LY6S: variants seen among roughly 807,000 people sequenced by gnomAD.
LY6S encodes the protein lymphocyte antigen 6S.
the LY6S span, chr8:143,044,027 A>G: frequency 2.4e-6 from 1 of 421,782 alleles, no homozygotes; most frequent in Admixed American, 2.5e-5. Context: ...CTGGGGACAG[A>G]TGCAGCTCCG....
chr8:143,043,355 TG>T, the LY6S span: 9 of 862,582 alleles, frequency 1.0e-5, 1 homozygote, highest in South Asian at 1.4e-4. Context: ...GAGAGCGGGG[TG>T]GGGGATGAGC....
the LY6S span, among the ~76,000 whole-genome samples, chr8:143,070,399 ATTTTT>A: frequency 1.4e-4 from 18 of 126,056 alleles, no homozygotes; most frequent in African/African-American, 5.3e-4. Flanking sequence ...ATTTATATAT[ATTTTT>A]TATTTATGTA....
the LY6S span, among the ~76,000 whole-genome samples, chr8:143,055,199 T>TG: frequency 2.0e-5 from 3 of 152,180 alleles, no homozygotes; most frequent in African/African-American, 7.2e-5. Context: ...TTTGTTTTTT[T>TG]TTTTTGTTGT....
At chr8:143,061,700 A>G in the LY6S span, among the ~76,000 whole-genome samples, 1 of 150,264 alleles carries the variant, frequency 6.7e-6, no homozygotes, top group Non-Finnish European at 1.5e-5. Context: ...ATGTGCCACC[A>G]TGCCCAGCTA....
the LY6S span, chr8:143,053,868 A>C: frequency 6.6e-6 from 1 of 152,212 alleles, no homozygotes; most frequent in East Asian, 1.9e-4. Context: ...CTCCCGCTCT[A>C]TCCTGTTCCC....
At chr8:143,057,850 A>T in the LY6S span, 2 of 725,952 alleles carry the variant, frequency 2.8e-6, no homozygotes, top group Non-Finnish European at 5.1e-6. Context: ...AGCTGGCCTG[A>T]CTGGGGGCCT....
chr8:143,067,077 C>T, the LY6S span, among the ~76,000 whole-genome samples: 3 of 152,124 alleles, frequency 2.0e-5, no homozygotes, highest in Admixed American at 6.5e-5. Context: ...AGTGAGTTCT[C>T]GCTCTGAGTT....
At chr8:143,076,060 G>A in the LY6S span, among the ~76,000 whole-genome samples, 1 of 152,154 alleles carries the variant, frequency 6.6e-6, no homozygotes, top group African/African-American at 2.4e-5. Context: ...TGTACCTTTA[G>A]GACAAAATGA....
At chr8:143,072,515 C>T in the LY6S span, among the ~76,000 whole-genome samples, 4 of 133,616 alleles carry the variant, frequency 3.0e-5, no homozygotes, top group African/African-American at 1.2e-4. Flanking sequence ...CCGTCGTCCT[C>T]GGGATTCCTG....
At chr8:143,044,779 C>T in the LY6S span, 5 of 1,367,470 alleles carry the variant, frequency 3.7e-6, no homozygotes, top group Non-Finnish European at 4.9e-6. Context: ...CGCCAAGCAT[C>T]TGTAGCAGCG....
At chr8:143,064,510 G>A in the LY6S span, among the ~76,000 whole-genome samples, 3 of 152,068 alleles carry the variant, frequency 2.0e-5, no homozygotes, top group African/African-American at 4.8e-5. Context: ...CCAGTTTTTC[G>A]ATTGCAAGCT....
the LY6S span, among the ~76,000 whole-genome samples, chr8:143,055,508 C>G: frequency 6.6e-6 from 1 of 152,118 alleles, no homozygotes; most frequent in Non-Finnish European, 1.5e-5. Context: ...TACTGTCATT[C>G]TTTTAAAAAA....
the LY6S span, among the ~76,000 whole-genome samples, chr8:143,051,339 G>A: frequency 5.3e-5 from 8 of 151,698 alleles, no homozygotes; most frequent in Non-Finnish European, 8.8e-5. Flanking sequence ...TCAGGAGTTC[G>A]AGACCAGCCT....
At chr8:143,073,274 T>A in the LY6S span, among the ~76,000 whole-genome samples, 1 of 150,044 alleles carries the variant, frequency 6.7e-6, no homozygotes, top group Non-Finnish European at 1.5e-5. Flanking sequence ...GGGGTCCCTG[T>A]TCGAGGAGAC....
At chr8:143,069,080 C>T in the LY6S span, among the ~76,000 whole-genome samples, 1 of 152,136 alleles carries the variant, frequency 6.6e-6, no homozygotes, top group Non-Finnish European at 1.5e-5. Flanking sequence ...ACCAAGGAAG[C>T]GAGCTGGCCC....
the LY6S span, among the ~76,000 whole-genome samples, chr8:143,058,884 G>A: frequency 9.8e-5 from 15 of 152,286 alleles, no homozygotes; most frequent in South Asian, 1.0e-3. Flanking sequence ...CTTGTCTTCC[G>A]GTCTCACTTC....
chr8:143,068,767 T>C, the LY6S span, among the ~76,000 whole-genome samples: 1 of 151,584 alleles, frequency 6.6e-6, no homozygotes, highest in African/African-American at 2.4e-5. Flanking sequence ...TTTTTTTTTC[T>C]GAGAATATCT....
At chr8:143,049,918 AC>A in the LY6S span, among the ~76,000 whole-genome samples, 2 of 143,426 alleles carry the variant, frequency 1.4e-5, no homozygotes, top group African/African-American at 2.5e-5. Context: ...AGCAAAAAAA[AC>A]AAAAACTCAT....
chr8:143,065,210 C>T, the LY6S span, among the ~76,000 whole-genome samples: 1 of 152,170 alleles, frequency 6.6e-6, no homozygotes, highest in Admixed American at 6.5e-5. Context: ...AGAAGCCCTG[C>T]TGCTTCCCTG....
Sources: gnomAD v4.1 joint callset for allele counts (sites outside exome capture counted in the v4.1 genomes callset) on GRCh38, gnomAD v4.1.1 for gene constraint, MANE v1.5 for transcripts, NCBI Gene and HGNC (gene_info 2026-07-23, HGNC 2026-07-21) for gene names.